Variants in MMD2 observed in about 807,000 individuals in gnomAD.
MMD2 encodes the protein monocyte to macrophage differentiation associated 2.
A neutral mutation model predicts 33.5 loss-of-function variants in MMD2; 30 were observed. That is an observed-to-expected ratio of 0.90 (90% confidence interval 0.67 to 1.22). The LOEUF (loss-of-function observed/expected upper bound fraction) is 1.22. MMD2 is among the 50% of genes most tolerant of loss of function. The pLI is 0.00. For synonymous variants in MMD2, 129 were observed against 123.0 expected (o/e 1.05, Z -0.32); for missense variants, 364 against 325.4 (o/e 1.12, Z -0.91).
At chr7:4,950,333 G>C (rs1226635104) in intron 1 of MMD2, among the ~76,000 whole-genome samples, 2 of 152,048 alleles carry the variant, frequency 1.3e-5, no homozygotes, top group Non-Finnish European at 2.9e-5. Context: ...CCCTACCTCA[G>C]GTGGTCCGCC....
At chr7:4,905,255 AGAG>A (rs987803299), downstream of MMD2, among the ~76,000 whole-genome samples, 528 of 150,896 alleles carry the variant, frequency 3.5e-3, 5 homozygotes, top group African/African-American at 0.012. The surrounding 1 kb of genome is among the most constrained non-coding windows in gnomAD (Gnocchi z 5.0). Context: ...AAGGAGGAGA[AGAG>A]GAGGAGGAGG....
At chr7:4,934,487 C>T (rs942217287) in intron 1 of MMD2, among the ~76,000 whole-genome samples, 4 of 152,202 alleles carry the variant, frequency 2.6e-5, no homozygotes, top group African/African-American at 4.8e-5. Context: ...GCAGCCTCGA[C>T]GGTGGGAAAC....
In MMD2 at chr7:4,909,902, G is replaced by C; in HGVS notation, c.516C>G (p.Pro172=). Residue 172 remains proline, a synonymous_variant, in exon 6 of 7, where the codon CCC becomes CCG. Coordinates refer to ENST00000401401, the MANE Select transcript of MMD2 (RefSeq NM_198403.4). ...TTACCATGGAGAGGATGACCAGGGC[G>C]GGGAAGAAGCCCATTACGACGTAGC... ...LLCYVVMGFF[P]ALVILSMPNT... The C allele has an allele frequency of 1.2e-6, 2 of 1,613,684 alleles. No homozygotes were observed. Among genetic ancestry groups the C allele is most frequent in the Non-Finnish European group, 8.5e-7 (1 of 1,179,754 alleles).
At chr7:4,903,577 G>A (rs2115077885), downstream of MMD2, among the ~76,000 whole-genome samples, 1 of 152,334 alleles carries the variant, frequency 6.6e-6, no homozygotes. Flanking sequence ...CCTGGGGACA[G>A]CCCTAGCCAA....
chr7:4,907,546 C>G lies in MMD2; in HGVS notation c.591G>C (p.Leu197=). The change falls in exon 7 of 7, where the codon CTG becomes CTC. Residue 197 remains leucine (L), a synonymous_variant. Transcript: ENST00000401401. ...CGTCACTCTTGAAGAAGACCATGCC[C>G]AGGCAGTAGAAGACCCCTCCGGTCA... The part of the protein sequence containing the change: ...ELVTGGVFYC[L]GMVFFKSDGR... The G allele has an allele frequency of 6.2e-7, 1 of 1,613,558 alleles. No individual in the cohort carries two copies. Among genetic ancestry groups the G allele is most frequent in the Non-Finnish European group, 8.5e-7 (1 of 1,179,882 alleles).
At chr7:4,918,516 C>T (rs1168402477) in intron 3 of MMD2, among the ~76,000 whole-genome samples, 1 of 146,796 alleles carries the variant, frequency 6.8e-6, no homozygotes, top group African/African-American at 2.5e-5. Context: ...CAGATTCTCA[C>T]TCCGTTGCCT....
At chr7:4,897,050 G>C in the MMD2 span, among the ~76,000 whole-genome samples, 1 of 151,620 alleles carries the variant, frequency 6.6e-6, no homozygotes, top group South Asian at 2.1e-4. Context: ...AGTAGAGACG[G>C]GGTTTCGCCA....
intron 3 of MMD2, among the ~76,000 whole-genome samples, chr7:4,919,492 C>T (rs530429556): frequency 5.9e-4 from 89 of 152,056 alleles, no homozygotes; most frequent in Non-Finnish European, 1.1e-3. Flanking sequence ...TGCTTGAGCC[C>T]TGGAGGTGGA....
chr7:4,946,219 G>A lies in MMD2; in HGVS notation c.47+12752C>T. 6.7e-6 allele frequency among the ~76,000 whole-genome samples: 1 copy of A among 150,248 alleles called. No homozygotes were observed. The highest frequency in any genetic ancestry group is 2.0e-4 in the East Asian group (1 of 5,090). ...CCCACACACACGCATGCACACACAT[G>A]CACACATACACGCACACACACGCAC... On this transcript the variant is annotated intron_variant, in intron 1 of 6. Coordinates refer to ENST00000401401, the MANE Select transcript of MMD2 (RefSeq NM_198403.4). The surrounding 1 kb of genome is among the most constrained non-coding windows in gnomAD (Gnocchi z 5.0).
chr7:4,951,497 C>A (rs1786242542), intron 1 of MMD2, among the ~76,000 whole-genome samples: 1 of 152,120 alleles, frequency 6.6e-6, no homozygotes. Flanking sequence ...AACTCCTATT[C>A]ATCCTGAAGA....
the MMD2 span, among the ~76,000 whole-genome samples, chr7:4,895,534 T>G: frequency 2.0e-5 from 3 of 150,252 alleles, no homozygotes; most frequent in African/African-American, 7.4e-5. Context: ...CAGGCATTCT[T>G]TTTTTTTCTT....
downstream of MMD2, among the ~76,000 whole-genome samples, chr7:4,901,397 C>T (rs534340649): frequency 1.8e-4 from 27 of 152,252 alleles, no homozygotes; most frequent in Non-Finnish European, 3.4e-4. Context: ...GCCAAGATCA[C>T]GCCACTGTAC....
At chr7:4,929,462 G>A (rs943497404) in intron 1 of MMD2, among the ~76,000 whole-genome samples, 10 of 152,062 alleles carry the variant, frequency 6.6e-5, no homozygotes, top group Admixed American at 5.2e-4. Flanking sequence ...CCTCAAGGTG[G>A]GCCAGGAAGC....
rs1280375510 is a variant in MMD2, at chr7:4,958,968, C to A, written c.47+3G>T. The A allele has an allele frequency of 7.8e-7, 1 of 1,290,284 alleles. No individual in the cohort carries two copies. The highest frequency in any genetic ancestry group is 9.9e-7 in the Non-Finnish European group (1 of 1,012,696). 79.9% of individuals were successfully genotyped at this position (1,290,284 alleles called of 1,614,324 possible). ...CCCGCGGACCTCCGCGGCCGCCGCT[C>A]ACCTCGCGTATTTCGTCTTCTGGAA... On this transcript the variant is annotated splice_donor_region_variant and intron_variant, in intron 1 of 6. Coordinates refer to ENST00000401401, the MANE Select transcript of MMD2 (RefSeq NM_198403.4).
downstream of MMD2, among the ~76,000 whole-genome samples, chr7:4,903,871 C>T (rs1784826175): frequency 1.3e-5 from 2 of 152,196 alleles, no homozygotes; most frequent in African/African-American, 4.8e-5. Context: ...CACCGGGAAC[C>T]TCACGGCCCC....
At position 4,911,183 on chromosome 7, in the gene MMD2, A is replaced by C. The variant is rs1378540336; in HGVS notation, c.429T>G (p.Ala143=). ...SHMRWLVWIM[A]SVGTIYVFFF... ...AGAAGACATAGATGGTGCCCACGGAAGCCATAATCCAGACCAGCCAGCGCA... is the reference window on the plus strand; with the variant it reads ...AGAAGACATAGATGGTGCCCACGGACGCCATAATCCAGACCAGCCAGCGCA... Residue 143 remains alanine, a synonymous_variant, in exon 5 of 7, where the codon GCT becomes GCG. Coordinates refer to ENST00000401401, the MANE Select transcript of MMD2 (RefSeq NM_198403.4). The C allele has an allele frequency of 3.1e-6, 5 of 1,600,604 alleles. No homozygotes were observed. The highest frequency in any genetic ancestry group is 2.3e-5 in the South Asian group (2 of 88,374).
At chr7:4,931,016 A>AT (rs1203416400) in intron 1 of MMD2, among the ~76,000 whole-genome samples, 1 of 151,804 alleles carries the variant, frequency 6.6e-6, no homozygotes, top group African/African-American at 2.4e-5. Flanking sequence ...AGGCCTGGCT[A>AT]TTTTTTGTAT....
chr7:4,926,290 A>T (rs1003012493), intron 1 of MMD2, among the ~76,000 whole-genome samples: 68 of 151,706 alleles, frequency 4.5e-4, no homozygotes, highest in African/African-American at 1.3e-3. Context: ...TTATAGAGAC[A>T]GGGTTTAATC....
intron 2 of MMD2, among the ~76,000 whole-genome samples, chr7:4,922,839 T>C (rs73320299): frequency 0.043 from 6,559 of 152,212 alleles, 487 homozygotes; most frequent in African/African-American, 0.15. Context: ...GCACAGGACA[T>C]GTCCTCAGGA....
Sources: gnomAD v4.1 joint callset for allele counts (sites outside exome capture counted in the v4.1 genomes callset) on GRCh38, gnomAD v4.1.1 for gene constraint, Gnocchi (gnomAD v3.1) non-coding constraint, MANE v1.5 for transcripts, NCBI Gene and HGNC (gene_info 2026-07-23, HGNC 2026-07-21) for gene names.